The following MYO18A variants were observed in gnomAD, a reference collection of about 807,000 sequenced individuals.
The protein encoded by MYO18A is myosin XVIIIA, also known as unconventional myosin-XVIIIa.
Under a neutral mutation model 235.8 loss-of-function variants are expected in MYO18A, and 78 were observed. The ratio of observed to expected loss-of-function variants is 0.33; its 90% CI spans 0.28 to 0.40. The LOEUF (loss-of-function observed/expected upper bound fraction) is 0.40, where lower values mean the gene tolerates loss of function less well. MYO18A is among the 10% of genes least tolerant of loss of function. The pLI, the probability that MYO18A is intolerant of heterozygous loss-of-function variation, is 1.00. For synonymous variants in MYO18A, 977 were observed against 1,077.8 expected (o/e 0.91, Z 1.83); for missense variants, 2,215 against 2,699.3 (o/e 0.82, Z 3.98).
intron 2 of MYO18A, among the ~76,000 whole-genome samples, chr17:29,137,873 G>A (rs1049166013): frequency 2.6e-5 from 4 of 152,086 alleles, no homozygotes; most frequent in Non-Finnish European, 5.9e-5. Flanking sequence ...TATTTATTTT[G>A]GTATGTATTT....
rs2066802558 is a variant in MYO18A, at chr17:29,106,971, G to A, written c.3441+109C>T. ...GGTGCTTCCAAAACTGGGAGCCTGA[G>A]CAGGGCCAGATGAGCTGTCTCCAGG... On this transcript the variant is annotated intron_variant, in intron 20 of 41. Transcript: ENST00000527372. This position sits in a 1 kb window ranked among gnomAD's most constrained non-coding sequence, Gnocchi z 4.6. The A allele has an allele frequency of 9.2e-7, 1 of 1,081,710 alleles. No homozygotes were observed. 67.0% of individuals were successfully genotyped at this position (1,081,710 alleles called of 1,614,324 possible).
rs763758415 is a variant in MYO18A, at chr17:29,074,950, ACACTCCTACCATTAAG to A, written c.6021-52_6021-37del. On this transcript the variant is annotated intron_variant, in intron 41 of 41. Coordinates refer to ENST00000527372, the MANE Select transcript of MYO18A (RefSeq NM_078471.4). This position sits in a 1 kb window ranked among gnomAD's most constrained non-coding sequence, Gnocchi z 4.4. ...CGAGGAATAAGGTTAGGGACAAATG[ACACTCCTACCATTAAG>A]CACGCACGCCTTTGGTTCTGGAGGC... 4.3e-6 allele frequency: 7 copies of A among 1,611,012 alleles called. No homozygotes were observed. The African/African-American group carries it at 9.4e-5, about 22-fold the overall frequency.
chr17:29,082,933 C>T (rs575202252), intron 40 of MYO18A, among the ~76,000 whole-genome samples: 5 of 152,192 alleles, frequency 3.3e-5, no homozygotes, highest in African/African-American at 9.6e-5. Flanking sequence ...AGAAGGGCTT[C>T]GTAGGATTTG....
chr17:29,078,999 GC>G (rs2066052523), intron 41 of MYO18A: 1 of 152,398 alleles, frequency 6.6e-6, no homozygotes, highest in Non-Finnish European at 1.5e-5. Flanking sequence ...GTGGGCTGTA[GC>G]CCTGGGAGCC....
At chr17:29,174,695 C>A (rs2152990702) in intron 1 of MYO18A, among the ~76,000 whole-genome samples, 1 of 152,152 alleles carries the variant, frequency 6.6e-6, no homozygotes, top group East Asian at 1.9e-4. Flanking sequence ...ACCTGTAATC[C>A]CAGCTACTCA....
rs554741511 is a variant in MYO18A, at chr17:29,081,075, G to C, written c.6020+1241C>G. On this transcript the variant is annotated intron_variant, in intron 41 of 41. Transcript: ENST00000527372. ...GGCAGCAGGGAGAGAGGGAGGTTGA[G>C]AGAGAGAGAGGAACAAGTATTAAAC... 7 of 829,722 alleles carry C rather than the reference G, an allele frequency of 8.4e-6. No individual in the cohort carries two copies. The South Asian group carries it at 2.2e-4, about 26-fold the overall frequency. The allele number at this position is 829,722 out of a possible 1,614,324, so 51.4% of individuals were successfully genotyped here.
chr17:29,116,125 C>T (rs943117372), intron 11 of MYO18A, among the ~76,000 whole-genome samples: 3 of 152,228 alleles, frequency 2.0e-5, no homozygotes, highest in Non-Finnish European at 4.4e-5. Flanking sequence ...GGCTCAGCTC[C>T]GGGGATGCCC....
chr17:29,074,528 C>T lies in MYO18A; in HGVS notation c.*242G>A, dbSNP rs930046538. ...GTGACACAGGGTAGAAGCCAAGAGT[C>T]TGGCATTTTGAGACAGAGGAGCAAA... On this transcript the variant is annotated 3_prime_UTR_variant, in exon 42 of 42. Coordinates refer to ENST00000527372, the MANE Select transcript of MYO18A (RefSeq NM_078471.4). This position sits in a 1 kb window ranked among gnomAD's most constrained non-coding sequence, Gnocchi z 4.4. The T allele has an allele frequency of 1.7e-5, 10 of 591,672 alleles. No homozygotes were observed. In the South Asian group the frequency reaches 2.1e-4, roughly 12 times the overall value. 36.7% of individuals were successfully genotyped at this position (591,672 alleles called of 1,614,324 possible).
rs1351040077 is a variant in MYO18A at position 29,092,389 on chromosome 17, T to C, written c.5141A>G (p.Glu1714Gly). 1 of 1,612,394 alleles carries C rather than the reference T, an allele frequency of 6.2e-7. No individual in the cohort carries two copies. Among genetic ancestry groups the C allele is most frequent in the East Asian group, 2.2e-5 (1 of 44,878 alleles). ...GTCATCAATCTGCAGGTGCAGGTCT[T>C]CGATCTCCACCTCCATTGCTTTCCG... is the stretch of plus-strand genomic sequence containing the variant. ...KARKAMEVEI[E>G]DLHLQIDDIA... Residue 1714 changes from glutamate (E) to glycine (G), a missense_variant, in exon 34 of 42, where the codon GAA becomes GGA. By Grantham distance (98) the Glu-to-Gly change is moderately conservative. Coordinates refer to ENST00000527372, the MANE Select transcript of MYO18A (RefSeq NM_078471.4).
chr17:29,106,822 C>A lies in MYO18A; in HGVS notation c.3441+258G>T, dbSNP rs2066797797. On this transcript the variant is annotated intron_variant, in intron 20 of 41. Transcript: ENST00000527372. This position sits in a 1 kb window ranked among gnomAD's most constrained non-coding sequence, Gnocchi z 4.6. The stretch of plus-strand genomic sequence containing the variant: ...TAATTCTCATGCACCCTCAGTGCGC[C>A]CAGGCCCTGCTCGCTCCTGGATGAT... Among the ~76,000 whole-genome samples the A allele has an allele frequency of 6.6e-6, 1 of 152,208 alleles. No individual in the cohort carries two copies. The highest frequency in any genetic ancestry group is 2.4e-5 in the African/African-American group (1 of 41,444).
At chr17:29,088,269 T>C (rs1342194422) in intron 37 of MYO18A, among the ~76,000 whole-genome samples, 1 of 152,014 alleles carries the variant, frequency 6.6e-6, no homozygotes, top group African/African-American at 2.4e-5. Flanking sequence ...TTAGCCAGGA[T>C]GGTCTCGATC....
chr17:29,093,897 T>C (rs1598289732), intron 31 of MYO18A, 83 bp downstream of exon 31: 3 of 956,084 alleles, frequency 3.1e-6, no homozygotes, highest in African/African-American at 1.6e-5. Flanking sequence ...GTGGCTGAGG[T>C]AGGGAGGTGG....
rs1049846471 is a variant in MYO18A at position 29,158,278 on chromosome 17, T to A, written c.999+7664A>T. On this transcript the variant is annotated intron_variant, in intron 2 of 41. Coordinates refer to ENST00000527372, the MANE Select transcript of MYO18A (RefSeq NM_078471.4). The surrounding 1 kb of genome is among the most constrained non-coding windows in gnomAD (Gnocchi z 4.3). The stretch of plus-strand genomic sequence containing the variant: ...CCAGGGCAGAACACCATGCCCTGAT[T>A]CTGGAGAACATATGGCGGGAGATTA... Among the ~76,000 whole-genome samples the A allele has an allele frequency of 2.0e-5, 3 of 152,118 alleles. No individual in the cohort carries two copies. Among genetic ancestry groups the A allele is most frequent in the Admixed American group, 6.6e-5 (1 of 15,264 alleles).
chr17:29,116,495 A>G (rs1275231720), intron 10 of MYO18A, 40 bp from the exon 11 acceptor site: 2 of 1,613,746 alleles, frequency 1.2e-6, no homozygotes, highest in Non-Finnish European at 8.5e-7. Flanking sequence ...GCAAAGAAAA[A>G]CAGTGTGTTA....
At chr17:29,153,350 C>T (rs2152952800) in intron 2 of MYO18A, among the ~76,000 whole-genome samples, 1 of 151,818 alleles carries the variant, frequency 6.6e-6, no homozygotes, top group South Asian at 2.1e-4. Context: ...ACTATGTTGC[C>T]CAGGCTAGTC....
At chr17:29,079,538 T>C (rs545133896) in intron 41 of MYO18A, among the ~76,000 whole-genome samples, 64 of 152,308 alleles carry the variant, frequency 4.2e-4, no homozygotes, top group Non-Finnish European at 5.9e-5. Flanking sequence ...CTGACAGGGC[T>C]CAGGGCTCAG....
chr17:29,091,266 C>T (rs1046634395), intron 34 of MYO18A: 13 of 328,582 alleles, frequency 4.0e-5, no homozygotes, highest in African/African-American at 1.9e-4. Context: ...CCCTGGCCTG[C>T]GTGCACTCTG....
In MYO18A at chr17:29,118,446, G is replaced by T; in HGVS notation, c.1830-6C>A. ...GGTTGAGGTGGAGCTCTGTCCTAGG[G>T]GTACAAATAAGGCATCAGCACGGCA... On this transcript the variant is annotated splice_region_variant and splice_polypyrimidine_tract_variant and intron_variant, in intron 8 of 41. Coordinates refer to ENST00000527372, the MANE Select transcript of MYO18A (RefSeq NM_078471.4). The surrounding 1 kb of genome is among the most constrained non-coding windows in gnomAD (Gnocchi z 4.2). The T allele has an allele frequency of 1.3e-6, 2 of 1,597,172 alleles. No homozygotes were observed. The highest frequency in any genetic ancestry group is 2.2e-5 in the South Asian group (2 of 90,150).
At chr17:29,113,072 C>G (rs2066971912) in intron 15 of MYO18A, among the ~76,000 whole-genome samples, 1 of 152,214 alleles carries the variant, frequency 6.6e-6, no homozygotes. Flanking sequence ...ATGCTGACAT[C>G]CCCCCTCTCC....
Sources: gnomAD v4.1 joint callset for allele counts (sites outside exome capture counted in the v4.1 genomes callset) on GRCh38, gnomAD v4.1.1 for gene constraint, Gnocchi (gnomAD v3.1) non-coding constraint, MANE v1.5 for transcripts, NCBI Gene and HGNC (gene_info 2026-07-23, HGNC 2026-07-21) for gene names.